The following RGL3 variants were observed in gnomAD, a reference collection of about 807,000 sequenced individuals.
RGL3 encodes ral guanine nucleotide dissociation stimulator like 3, also known as ral guanine nucleotide dissociation stimulator-like 3.
Under a neutral mutation model 90.6 loss-of-function variants are expected in RGL3, and 85 were observed. That is an observed-to-expected ratio of 0.94 (90% CI 0.79 to 1.12). RGL3 has a LOEUF of 1.12. Among genes scored for constraint, RGL3 ranks in the 50% most tolerant of loss-of-function variants. RGL3 has a pLI of 0.00. For missense variants in RGL3, 1,034 were observed against 939.2 expected (o/e 1.10, Z -1.32); for synonymous variants, 408 against 385.5 (o/e 1.06, Z -0.68).
intron 5 of RGL3, among the ~76,000 whole-genome samples, chr19:11,414,788 C>A (rs1021654269): frequency 6.6e-6 from 1 of 151,770 alleles, no homozygotes; most frequent in Non-Finnish European, 1.5e-5. Context: ...GCAAGAACAA[C>A]AGGTCCTCCT....
chr19:11,405,047 G>C (rs549085357), intron 9 of RGL3, 100 bp downstream of exon 9: 8 of 962,016 alleles, frequency 8.3e-6, no homozygotes, highest in Non-Finnish European at 8.5e-6. Flanking sequence ...GGGAAGGACA[G>C]AGTGTCCTGA....
intron 5 of RGL3, among the ~76,000 whole-genome samples, chr19:11,414,508 T>TATATACACCTTC (rs1555720254): frequency 6.9e-5 from 8 of 115,234 alleles, no homozygotes; most frequent in African/African-American, 2.4e-4. Context: ...TATATATATA[T>TATATACACCTTC]ATATATATAT....
intron 9 of RGL3, 112 bp downstream of exon 9, chr19:11,405,035 T>C: frequency 2.3e-6 from 2 of 880,370 alleles, no homozygotes; most frequent in Non-Finnish European, 3.8e-6. Flanking sequence ...TGCTGAGCGG[T>C]AGGGAAGGAC....
Position 11,406,749 on chromosome 19 carries a change from C to A in RGL3, c.753G>T (p.Val251=). 6.2e-7 allele frequency: 1 copy of A among 1,614,058 alleles called. No individual in the cohort carries two copies. The highest frequency in any genetic ancestry group is 8.5e-7 in the Non-Finnish European group (1 of 1,180,018). Residue 251 remains valine, a synonymous_variant, in exon 6 of 19, where the codon GTG becomes GTT. Coordinates refer to ENST00000380456, the MANE Select transcript of RGL3 (RefSeq NM_001035223.4). The part of the protein sequence containing the change: ...PQLLDFSVDE[V]AEQLTLIDLE... ...AGTCTATGAGGGTCAGCTGCTCGGC[C>A]ACCTCGTCCACGCTGAAGTCCAGGA...
Position 11,394,194 on chromosome 19 carries a change from C to T in RGL3, c.*208G>A. The T allele has an allele frequency of 3.6e-6, 2 of 549,870 alleles. No individual in the cohort carries two copies. The highest frequency in any genetic ancestry group is 6.6e-6 in the Non-Finnish European group (2 of 301,890). 34.1% of individuals were successfully genotyped at this position (549,870 alleles called of 1,614,324 possible). ...TTCTACATTTATGGGATTGAGCTCTCCACCAGCCACCCATGGGCTGATGTC... is the reference window on the plus strand; with the variant it reads ...TTCTACATTTATGGGATTGAGCTCTTCACCAGCCACCCATGGGCTGATGTC... On this transcript the variant is annotated 3_prime_UTR_variant, in exon 19 of 19. Transcript: ENST00000380456.
intron 18 of RGL3, 103 bp downstream of exon 18, chr19:11,397,141 A>C: frequency 1.1e-6 from 1 of 903,634 alleles, no homozygotes; most frequent in Non-Finnish European, 1.8e-6. Context: ...AGCACCTCAC[A>C]GCCCTGTGAA....
At position 11,416,826 on chromosome 19, in the gene RGL3, C is replaced by G. The variant is rs753644960; in HGVS notation, c.371+10G>C. 2.8e-5 allele frequency: 45 copies of G among 1,612,398 alleles called. No individual in the cohort carries two copies. The Admixed American group carries it at 7.5e-4, about 27-fold the overall frequency. On this transcript the variant is annotated intron_variant, in intron 3 of 18. Transcript: ENST00000380456. ...GGTGGAGAATACGGAGGTTATGGTT[C>G]GCTACTGACCCGGGAGGTGGGGGCG... is the stretch of plus-strand genomic sequence containing the variant.
Position 11,396,169 on chromosome 19 carries a change from T to A in RGL3, c.2014+1075A>T, listed in dbSNP as rs866078053. 6.9e-3 allele frequency among the ~76,000 whole-genome samples: 520 copies of A among 74,904 alleles called. 20 individuals are homozygous for A. Among genetic ancestry groups the A allele is most frequent in the African/African-American group, 0.023 (387 of 17,108 alleles). 49.1% of individuals were successfully genotyped at this position (74,904 alleles called of 152,430 possible). On this transcript the variant is annotated intron_variant, in intron 18 of 18. Coordinates refer to ENST00000380456, the MANE Select transcript of RGL3 (RefSeq NM_001035223.4). Reference sequence around the variant, plus strand: ...ATATATATATATATATTTTTTTTTTTTTTTTTTTTTTTTTTTTGAGACAGA... The same window carrying A: ...ATATATATATATATATTTTTTTTTTATTTTTTTTTTTTTTTTTGAGACAGA...
chr19:11,402,279 C>G (rs542313299), intron 11 of RGL3, 32 bp from the exon 12 acceptor site: 1 of 1,610,840 alleles, frequency 6.2e-7, no homozygotes, highest in Non-Finnish European at 8.5e-7. Context: ...ATTGCAGCAC[C>G]CAGGGTCAAG....
At position 11,405,375 on chromosome 19, in the gene RGL3, G is replaced by A. The variant is rs762310289; in HGVS notation, c.1048C>T (p.Leu350=). Residue 350 remains leucine, a synonymous_variant, in exon 8 of 19, where the codon CTG becomes TTG. Coordinates refer to ENST00000380456, the MANE Select transcript of RGL3 (RefSeq NM_001035223.4). ...FSSLRAILSA[L]QSNPIYRLKR... is the part of the protein sequence containing the mutation. The stretch of plus-strand genomic sequence containing the variant: ...AGCCGGTAGATGGGGTTAGATTGCA[G>A]GGCGGACAGGATGGCGCGCAAGGAG... The A allele has an allele frequency of 6.2e-7, 1 of 1,611,156 alleles. No individual in the cohort carries two copies. Among genetic ancestry groups the A allele is most frequent in the Non-Finnish European group, 8.5e-7 (1 of 1,178,812 alleles).
intron 16 of RGL3, among the ~76,000 whole-genome samples, chr19:11,398,300 T>C (rs1414767016): frequency 6.6e-6 from 1 of 152,160 alleles, no homozygotes; most frequent in Non-Finnish European, 1.5e-5. Context: ...ATCTCATGAA[T>C]ACTCAGGCCC....
intron 5 of RGL3, among the ~76,000 whole-genome samples, chr19:11,410,907 A>T (rs1002568270): frequency 5.9e-5 from 9 of 152,046 alleles, no homozygotes; most frequent in African/African-American, 2.2e-4. Context: ...AGAATAAAAG[A>T]GACTTAGGAA....
Position 11,400,270 on chromosome 19 carries a change from T to C in RGL3, c.1512A>G (p.Pro504=), listed in dbSNP as rs1270326742. The C allele has an allele frequency of 6.3e-7, 1 of 1,596,860 alleles. No homozygotes were observed. The highest frequency in any genetic ancestry group is 8.5e-7 in the Non-Finnish European group (1 of 1,171,450). Residue 504 remains proline, a synonymous_variant, in exon 14 of 19, where the codon CCA becomes CCG. Coordinates refer to ENST00000380456, the MANE Select transcript of RGL3 (RefSeq NM_001035223.4). ...GGGAGCTGGGGCAGGAGGCAGCTGG[T>C]GGCTCAATGACCCGGGAGAGCCGGT... ...QSYRLSRVIE[P]PAASCPSSPR...
Position 11,413,869 on chromosome 19 carries a change from G to A in RGL3, c.637+2068C>T, listed in dbSNP as rs568302994. Among the ~76,000 whole-genome samples the A allele has an allele frequency of 1.6e-4, 24 of 147,586 alleles. No individual in the cohort carries two copies. The South Asian group carries it at 3.4e-3, about 21-fold the overall frequency. On this transcript the variant is annotated intron_variant, in intron 5 of 18. Coordinates refer to ENST00000380456, the MANE Select transcript of RGL3 (RefSeq NM_001035223.4). ...CGCCATTCTCCTGCCTCAGCCTCCC[G>A]AGTAGCTGGGACTACAGGCGCTCGC... is the stretch of plus-strand genomic sequence containing the variant.
rs138162771 is a variant in RGL3 at position 11,401,496 on chromosome 19, C to T, written c.1484+515G>A. On this transcript the variant is annotated intron_variant, in intron 13 of 18. Coordinates refer to ENST00000380456, the MANE Select transcript of RGL3 (RefSeq NM_001035223.4). Reference sequence around the variant, plus strand: ...CTGCAAGCTCTGCCTCCCGGGTTCACGCCATTCTCCTGCCTCAGCCTCCCA... The same window carrying T: ...CTGCAAGCTCTGCCTCCCGGGTTCATGCCATTCTCCTGCCTCAGCCTCCCA... 9.2e-3 allele frequency among the ~76,000 whole-genome samples: 1,397 copies of T among 151,162 alleles called. 28 individuals are homozygous for T. Among genetic ancestry groups the T allele is most frequent in the African/African-American group, 0.032 (1,318 of 41,154 alleles).
At chr19:11,412,203 C>T (rs1034769491) in intron 5 of RGL3, among the ~76,000 whole-genome samples, 1 of 150,578 alleles carries the variant, frequency 6.6e-6, no homozygotes, top group Non-Finnish European at 1.5e-5. Flanking sequence ...TCACTTGAAC[C>T]CAGGAGGCAG....
At chr19:11,397,671 C>A (rs1049563020) in intron 16 of RGL3, 74 bp from the exon 17 acceptor site, 3 of 1,389,676 alleles carry the variant, frequency 2.2e-6, no homozygotes, top group African/African-American at 2.9e-5. Context: ...GCACGAACAC[C>A]CCAGCCACCA....
chr19:11,399,466 G>T (rs748449457), intron 16 of RGL3, among the ~76,000 whole-genome samples: 1 of 152,170 alleles, frequency 6.6e-6, no homozygotes, highest in African/African-American at 2.4e-5. Context: ...TTGGGAGGCT[G>T]AGGTGGAAGG....
intron 5 of RGL3, among the ~76,000 whole-genome samples, chr19:11,408,304 G>A (rs529648426): frequency 4.6e-5 from 7 of 152,238 alleles, no homozygotes; most frequent in East Asian, 1.9e-4. Context: ...TCATGCTGCC[G>A]GGCGCTGTGG....
Sources: gnomAD v4.1 joint callset for allele counts (sites outside exome capture counted in the v4.1 genomes callset) on GRCh38, gnomAD v4.1.1 for gene constraint, MANE v1.5 for transcripts, NCBI Gene and HGNC (gene_info 2026-07-23, HGNC 2026-07-21) for gene names.